Variants in TNNI3K observed in about 807,000 individuals in gnomAD.
The protein encoded by TNNI3K is TNNI3 interacting kinase.
Under a neutral mutation model 114.5 loss-of-function variants are expected in TNNI3K, and 140 were observed. That is an observed-to-expected ratio of 1.22 (90% CI 1.07 to 1.41). The LOEUF (loss-of-function observed/expected upper bound fraction) is 1.41, where lower values mean the gene tolerates loss of function less well. Among genes scored for constraint, TNNI3K ranks in the 40% most tolerant of loss-of-function variants. The pLI is 0.00. For synonymous variants in TNNI3K, 347 were observed against 347.5 expected, an observed-to-expected ratio of 1.00 and a Z score of 0.02; for missense variants, 1,125 against 1,007.6, an observed-to-expected ratio of 1.12 and a Z score of -1.58.
intron 5 of TNNI3K, among the ~76,000 whole-genome samples, chr1:74,312,095 T>C (rs1230517353): frequency 1.3e-5 from 2 of 152,204 alleles, no homozygotes; most frequent in African/African-American, 4.8e-5. Flanking sequence ...CTATACTTCT[T>C]GGGTTGAAAA....
At chr1:74,269,837 C>G (rs530306066) in intron 4 of TNNI3K, among the ~76,000 whole-genome samples, 2 of 151,892 alleles carry the variant, frequency 1.3e-5, no homozygotes, top group Admixed American at 1.3e-4. Flanking sequence ...ACCAAAGTGG[C>G]ATTTAGGAAT....
intron 24 of TNNI3K, among the ~76,000 whole-genome samples, chr1:74,540,605 T>G: frequency 9.1e-6 from 1 of 109,992 alleles, no homozygotes; most frequent in Admixed American, 9.3e-5. Context: ...AACTCTTTTT[T>G]TAAAAAAAAA....
At chr1:74,491,104 AAG>A (rs879395186) in intron 22 of TNNI3K, among the ~76,000 whole-genome samples, 2 of 152,222 alleles carry the variant, frequency 1.3e-5, no homozygotes, top group African/African-American at 2.4e-5. Context: ...CACATTTTAG[AAG>A]AGAGAGATTT....
chr1:74,409,709 G>T (rs1664792905), intron 17 of TNNI3K, among the ~76,000 whole-genome samples: 2 of 151,938 alleles, frequency 1.3e-5, no homozygotes, highest in Non-Finnish European at 2.9e-5. Context: ...GGCCAGGCTG[G>T]TCTCGAACTC....
rs768166171 is a variant in TNNI3K, at chr1:74,369,272, A to G, written c.1472+8A>G. 5 of 1,611,756 alleles carry G rather than the reference A, an allele frequency of 3.1e-6. No homozygotes were observed. The Admixed American group carries it at 8.4e-5, about 27-fold the overall frequency. On this transcript the variant is annotated splice_region_variant and intron_variant, in intron 15 of 24. Coordinates refer to ENST00000326637, the MANE Select transcript of TNNI3K (RefSeq NM_015978.3). The stretch of plus-strand genomic sequence containing the variant: ...AATAGTGGCTATAAAACGGTAAGCA[A>G]GCAAATGAAAAAATTTAACATCCAG...
intron 20 of TNNI3K, among the ~76,000 whole-genome samples, chr1:74,450,586 G>A (rs1666946288): frequency 6.6e-6 from 1 of 151,974 alleles, no homozygotes; most frequent in South Asian, 2.1e-4. Flanking sequence ...AGTGGGCAAA[G>A]GACATGAACA....
At chr1:74,429,261 GTAGA>G (rs1665780500) in intron 17 of TNNI3K, among the ~76,000 whole-genome samples, 1 of 152,070 alleles carries the variant, frequency 6.6e-6, no homozygotes, top group Non-Finnish European at 1.5e-5. Context: ...AAGTAGGTAG[GTAGA>G]TAGATAGAAT....
chr1:74,327,208 G>T (rs1004622873), intron 5 of TNNI3K, among the ~76,000 whole-genome samples: 2 of 151,408 alleles, frequency 1.3e-5, no homozygotes, highest in Non-Finnish European at 2.9e-5. Context: ...ATATTGTAAA[G>T]GGTAATTCAT....
intron 24 of TNNI3K, among the ~76,000 whole-genome samples, chr1:74,540,645 A>G (rs1420166590): frequency 6.6e-6 from 1 of 151,954 alleles, no homozygotes; most frequent in Admixed American, 6.6e-5. Flanking sequence ...TGATATTCCG[A>G]ATACTTTGTC....
intron 2 of TNNI3K, among the ~76,000 whole-genome samples, chr1:74,237,044 T>A (rs181815740): frequency 9.2e-4 from 140 of 152,050 alleles, no homozygotes; most frequent in Non-Finnish European, 8.3e-4. Context: ...AAATGACACA[T>A]CTTTAAAATA....
intron 17 of TNNI3K, among the ~76,000 whole-genome samples, chr1:74,409,844 T>C (rs777051050): frequency 2.0e-5 from 3 of 152,154 alleles, no homozygotes; most frequent in Non-Finnish European, 4.4e-5. Context: ...TTGTGGGGTG[T>C]AGGGATTTTA....
intron 9 of TNNI3K, among the ~76,000 whole-genome samples, chr1:74,349,393 T>G (rs1197047463): frequency 6.6e-6 from 1 of 152,172 alleles, no homozygotes; most frequent in Admixed American, 6.5e-5. Flanking sequence ...TTGAGGATTT[T>G]TGCATCAATG....
At chr1:74,495,304 C>T (rs181527192) in intron 23 of TNNI3K, among the ~76,000 whole-genome samples, 34 of 152,198 alleles carry the variant, frequency 2.2e-4, no homozygotes, top group African/African-American at 7.0e-4. Flanking sequence ...CTCTAGGAAT[C>T]GGTAAAGCGT....
At chr1:74,465,162 C>T (rs997405425) in intron 21 of TNNI3K, among the ~76,000 whole-genome samples, 5 of 152,184 alleles carry the variant, frequency 3.3e-5, no homozygotes, top group Admixed American at 6.5e-5. Flanking sequence ...TCCTTGGCCT[C>T]GTAGTCCACT....
intron 23 of TNNI3K, among the ~76,000 whole-genome samples, chr1:74,531,253 G>A: frequency 6.6e-6 from 1 of 152,172 alleles, no homozygotes; most frequent in African/African-American, 2.4e-5. Flanking sequence ...TTTCAATTTA[G>A]GACATTGTCA....
intron 5 of TNNI3K, among the ~76,000 whole-genome samples, chr1:74,276,797 A>G (rs1250096373): frequency 6.6e-6 from 1 of 152,164 alleles, no homozygotes; most frequent in Non-Finnish European, 1.5e-5. Context: ...TCTATTAAAC[A>G]ATCTTACAAT....
chr1:74,463,768 A>T lies in TNNI3K; in HGVS notation c.2121+218A>T, dbSNP rs78661285. 1.1e-3 allele frequency among the ~76,000 whole-genome samples: 171 copies of T among 152,268 alleles called. 4 individuals carry two copies. In the East Asian group the frequency reaches 0.026, roughly 23 times the overall value. On this transcript the variant is annotated intron_variant, in intron 21 of 24. Coordinates refer to ENST00000326637, the MANE Select transcript of TNNI3K (RefSeq NM_015978.3). Reference sequence around the variant, plus strand: ...GATTTTGAAACGTTTCTCACAACTGATTAGTAAAAGAGAGACCAGGGTATG... The same window carrying T: ...GATTTTGAAACGTTTCTCACAACTGTTTAGTAAAAGAGAGACCAGGGTATG...
chr1:74,338,004 T>G (rs758889822), intron 7 of TNNI3K, among the ~76,000 whole-genome samples: 13 of 152,100 alleles, frequency 8.5e-5, no homozygotes, highest in Non-Finnish European at 1.3e-4. Context: ...GCCAGTAACA[T>G]TCTTATTCAC....
At chr1:74,435,416 C>T (rs1181041782) in intron 17 of TNNI3K, among the ~76,000 whole-genome samples, 3 of 151,986 alleles carry the variant, frequency 2.0e-5, no homozygotes, top group Admixed American at 6.6e-5. Context: ...CATATGGCTA[C>T]CTTTTTGTGT....
Sources: allele counts gnomAD v4.1 joint callset (sites outside exome capture counted in the v4.1 genomes callset), GRCh38; gene constraint gnomAD v4.1.1; transcripts MANE v1.5; gene names NCBI Gene and HGNC (gene_info 2026-07-23, HGNC 2026-07-21).